The following TTC23 variants were observed in gnomAD, a reference collection of about 807,000 sequenced individuals.
The protein encoded by TTC23 is tetratricopeptide repeat domain 23.
Under a neutral mutation model 55.1 loss-of-function variants are expected in TTC23, and 58 were observed. The ratio of observed to expected loss-of-function variants is 1.05; its 90% CI spans 0.85 to 1.31. The LOEUF (loss-of-function observed/expected upper bound fraction) is 1.31, where lower values mean the gene tolerates loss of function less well. TTC23 is among the 50% of genes most tolerant of loss of function. TTC23 has a pLI of 0.00. For missense variants in TTC23, 516 were observed against 534.4 expected (o/e 0.97, Z 0.34); for synonymous variants, 203 against 199.9 (o/e 1.02, Z -0.13).
At chr15:99,219,993 T>G (rs974615326) in intron 6 of TTC23, among the ~76,000 whole-genome samples, 2 of 145,904 alleles carry the variant, frequency 1.4e-5, no homozygotes, top group Non-Finnish European at 3.1e-5. Flanking sequence ...TATTACATAT[T>G]TTTAAAAAGC....
chr15:99,228,722 T>G lies in TTC23; in HGVS notation c.-10A>C. The G allele has an allele frequency of 3.8e-6, 6 of 1,558,520 alleles. No homozygotes were observed. The highest frequency in any genetic ancestry group is 5.2e-6 in the Non-Finnish European group (6 of 1,153,502). ...CCTGTGATTCTTGCATATTTTTATA[T>G]ACATTGTCTTCTAATTTTAAAATAA... On this transcript the variant is annotated 5_prime_UTR_variant, in exon 5 of 14. Coordinates refer to ENST00000394132, the MANE Select transcript of TTC23 (RefSeq NM_001288615.3).
At chr15:99,156,364 T>A in intron 11 of TTC23, 67 bp from the exon 12 acceptor site, 1 of 1,572,818 alleles carries the variant, frequency 6.4e-7, no homozygotes, top group Non-Finnish European at 8.7e-7. Flanking sequence ...TTACGCAACT[T>A]GTAACATTTT....
chr15:99,214,259 G>A (rs2077270049), intron 8 of TTC23, among the ~76,000 whole-genome samples: 1 of 152,032 alleles, frequency 6.6e-6, no homozygotes, highest in Non-Finnish European at 1.5e-5. Context: ...TGTAATCCCA[G>A]CACTTTGGGA....
At chr15:99,143,602 G>A (rs781797315) in intron 12 of TTC23, among the ~76,000 whole-genome samples, 4 of 152,190 alleles carry the variant, frequency 2.6e-5, no homozygotes, top group Non-Finnish European at 5.9e-5. Flanking sequence ...ACTGAACTCC[G>A]GAGTGTCCAG....
intron 9 of TTC23, among the ~76,000 whole-genome samples, chr15:99,175,524 A>G (rs1352163633): frequency 6.6e-6 from 1 of 152,168 alleles, no homozygotes; most frequent in Non-Finnish European, 1.5e-5. Context: ...TGCCCTGCCT[A>G]CCCGCCAGCC....
At chr15:99,250,802 CAG>C (rs2080672030), upstream of TTC23, among the ~76,000 whole-genome samples, 1 of 152,194 alleles carries the variant, frequency 6.6e-6, no homozygotes, top group South Asian at 2.1e-4. Context: ...GTTTGAAGGG[CAG>C]AGACTAGGTT....
chr15:99,228,698 C>T lies in TTC23; in HGVS notation c.15G>A (p.Gln5=). The T allele has an allele frequency of 6.3e-7, 1 of 1,599,164 alleles. No homozygotes were observed. The highest frequency in any genetic ancestry group is 2.2e-5 in the East Asian group (1 of 44,726). The change falls in exon 5 of 14, where the codon CAG becomes CAA. Residue 5 remains glutamine (Q), a synonymous_variant. Transcript: ENST00000394132. ...CTAGGTGGTTGGATATGTGGGTTTC[C>T]TGTGATTCTTGCATATTTTTATATA... MQES[Q]ETHISNHLDE... is the part of the protein sequence containing the mutation.
rs535772307 is a variant in TTC23 at position 99,235,640 on chromosome 15, G to A, written c.-113-560C>T. ...CTGCCTTGGCCTCCCAAAGTGCTGG[G>A]ATTACAGGCATGAGCCACTGTGCCC... On this transcript the variant is annotated intron_variant, in intron 3 of 13. Coordinates refer to ENST00000394132, the MANE Select transcript of TTC23 (RefSeq NM_001288615.3). 5.9e-5 allele frequency among the ~76,000 whole-genome samples: 9 copies of A among 152,242 alleles called. No homozygotes were observed. In the East Asian group the frequency reaches 7.7e-4, roughly 13 times the overall value.
intron 5 of TTC23, 131 bp downstream of exon 5, chr15:99,228,402 G>T: frequency 1.4e-6 from 1 of 725,884 alleles, no homozygotes; most frequent in Non-Finnish European, 2.1e-6. Context: ...TATAACAAAG[G>T]CACTGTCTTA....
At chr15:99,167,828 G>A (rs1055619514) in intron 10 of TTC23, among the ~76,000 whole-genome samples, 4 of 152,186 alleles carry the variant, frequency 2.6e-5, no homozygotes, top group Non-Finnish European at 5.9e-5. Flanking sequence ...ACAATGTGAC[G>A]ATTGTCTTTT....
chr15:99,179,004 C>G (rs758367113), intron 9 of TTC23, among the ~76,000 whole-genome samples: 4 of 152,166 alleles, frequency 2.6e-5, no homozygotes, highest in African/African-American at 4.8e-5. Flanking sequence ...CATGTCTTCC[C>G]TGGTCCAGGC....
At chr15:99,205,590 G>GT (rs368073422) in intron 8 of TTC23, among the ~76,000 whole-genome samples, 2,479 of 141,246 alleles carry the variant, frequency 0.018, 27 homozygotes, top group Middle Eastern at 0.041. Flanking sequence ...TTACTTTCTT[G>GT]TTTTTTTTTT....
At chr15:99,219,171 C>A in intron 6 of TTC23, 123 bp from the exon 7 acceptor site, 1 of 1,080,424 alleles carries the variant, frequency 9.3e-7, no homozygotes. Context: ...CACATGGAGA[C>A]GTATCTGGGC....
intron 5 of TTC23, among the ~76,000 whole-genome samples, chr15:99,223,621 T>C (rs1392593866): frequency 1.3e-5 from 2 of 152,182 alleles, no homozygotes; most frequent in Non-Finnish European, 2.9e-5. Flanking sequence ...CACAGACTAA[T>C]ACAGAATCCA....
intron 9 of TTC23, among the ~76,000 whole-genome samples, chr15:99,196,523 A>C (rs1466057809): frequency 6.6e-6 from 1 of 152,210 alleles, no homozygotes; most frequent in Non-Finnish European, 1.5e-5. Flanking sequence ...GCCGTGAGCC[A>C]CACAGCGACC....
chr15:99,138,019 T>C lies in TTC23; in HGVS notation c.1335A>G (p.Thr445=). Residue 445 remains threonine (T), a synonymous_variant, in exon 14 of 14, where the codon ACA becomes ACG. Transcript: ENST00000394132. ...TTTCAGGGTGGGGGCCTCAGTCTGC[T>C]GTTGTGCCGGGCCGGGCCTTCCCCA... The part of the protein sequence containing the change: ...TLLGKARPGT[T]AD The C allele has an allele frequency of 6.2e-7, 1 of 1,614,138 alleles. No homozygotes were observed. The highest frequency in any genetic ancestry group is 8.5e-7 in the Non-Finnish European group (1 of 1,180,006).
At chr15:99,207,804 A>G (rs2076743056) in intron 8 of TTC23, among the ~76,000 whole-genome samples, 1 of 152,186 alleles carries the variant, frequency 6.6e-6, no homozygotes, top group Admixed American at 6.5e-5. Context: ...TTTTGCATCC[A>G]TATAATTGAG....
rs867057852 is a variant in TTC23, at chr15:99,187,461, A to C, written c.760-12306T>G. On this transcript the variant is annotated intron_variant, in intron 9 of 13. Coordinates refer to ENST00000394132, the MANE Select transcript of TTC23 (RefSeq NM_001288615.3). ...ATGCCAAAAGCACAAGCAAAAAAAA[A>C]AAAAAAACAAAACAAAAGAAACCCA... Among the ~76,000 whole-genome samples, 59 of 143,072 alleles carry C rather than the reference A, an allele frequency of 4.1e-4. 5 individuals are homozygous for C. In the Middle Eastern group the frequency reaches 0.018, roughly 45 times the overall value. 93.9% of individuals were successfully genotyped at this position (143,072 alleles called of 152,430 possible).
intron 2 of TTC23, among the ~76,000 whole-genome samples, chr15:99,244,315 C>T (rs2080052427): frequency 6.6e-6 from 1 of 152,008 alleles, no homozygotes; most frequent in South Asian, 2.1e-4. Flanking sequence ...TAAATTAAGG[C>T]ATGAAGATTA....
Sources: allele counts gnomAD v4.1 joint callset (sites outside exome capture counted in the v4.1 genomes callset), GRCh38; gene constraint gnomAD v4.1.1; transcripts MANE v1.5; gene names NCBI Gene and HGNC (gene_info 2026-07-23, HGNC 2026-07-21).